Variants in BRIP1 observed in about 807,000 individuals in gnomAD.
The protein encoded by BRIP1 is Fanconi anemia group J protein.
Under a neutral mutation model 119.7 loss-of-function variants are expected in BRIP1, and 88 were observed. The observed-to-expected ratio is 0.74, with a 90% CI of 0.62 to 0.88. The LOEUF is 0.88. BRIP1 is among the 40% of genes least tolerant of loss of function. The pLI, the probability that BRIP1 is intolerant of heterozygous loss-of-function variation, is 0.00. For missense variants in BRIP1, 1,259 were observed against 1,455.4 expected (o/e 0.87, Z 2.20); for synonymous variants, 443 against 496.5 (o/e 0.89, Z 1.43).
intron 18 of BRIP1, among the ~76,000 whole-genome samples, chr17:61,692,213 T>C (rs983009620): frequency 5.3e-5 from 8 of 152,196 alleles, no homozygotes; most frequent in East Asian, 3.8e-4. Context: ...CAAATAAATC[T>C]CTTATCTTTA....
intron 14 of BRIP1, among the ~76,000 whole-genome samples, chr17:61,764,619 T>C (rs2144881312): frequency 6.6e-6 from 1 of 152,302 alleles, no homozygotes; most frequent in Non-Finnish European, 1.5e-5. Flanking sequence ...ATATTAAAGA[T>C]TGTAACCAAG....
chr17:61,721,515 C>T (rs536437923), intron 16 of BRIP1, among the ~76,000 whole-genome samples: 46 of 149,182 alleles, frequency 3.1e-4, no homozygotes, highest in African/African-American at 8.9e-4. Flanking sequence ...GTGATCCACC[C>T]GCCTCGGCCT....
At chr17:61,764,780 T>C (rs991153354) in intron 14 of BRIP1, among the ~76,000 whole-genome samples, 1 of 151,900 alleles carries the variant, frequency 6.6e-6, no homozygotes, top group African/African-American at 2.4e-5. Flanking sequence ...TATCCTTACA[T>C]CCATGAAAAA....
chr17:61,851,235 G>GA lies in BRIP1; in HGVS notation c.380-1980dup, dbSNP rs972171010. On this transcript the variant is annotated intron_variant, in intron 4 of 19. Transcript: ENST00000259008. This position sits in a 1 kb window ranked among gnomAD's most constrained non-coding sequence, Gnocchi z 4.6. ...AGAACGAGACTCCATCTCAAAAAAA[G>GA]AAAAAAAAAGAAATGTTGCTTAAAA... Among the ~76,000 whole-genome samples the GA allele has an allele frequency of 4.0e-5, 6 of 150,128 alleles. No homozygotes were observed. Among genetic ancestry groups the GA allele is most frequent in the South Asian group, 2.1e-4 (1 of 4,756 alleles).
Position 61,701,332 on chromosome 17 carries a change from A to G in BRIP1, c.2493-7820T>C, listed in dbSNP as rs2061610460. ...GTAATTTTTCTAAAATAATCTTGTAAAGTCTGTATTGTCATGTGTGGTCAT... is the reference window on the plus strand; with the variant it reads ...GTAATTTTTCTAAAATAATCTTGTAGAGTCTGTATTGTCATGTGTGGTCAT... On this transcript the variant is annotated intron_variant, in intron 17 of 19. Coordinates refer to ENST00000259008, the MANE Select transcript of BRIP1 (RefSeq NM_032043.3). This position sits in a 1 kb window ranked among gnomAD's most constrained non-coding sequence, Gnocchi z 5.1. Among the ~76,000 whole-genome samples the G allele has an allele frequency of 1.3e-5, 2 of 152,170 alleles. No homozygotes were observed. Among genetic ancestry groups the G allele is most frequent in the African/African-American group, 4.8e-5 (2 of 41,440 alleles).
Position 61,768,864 on chromosome 17 carries a change from A to G in BRIP1, c.2097+7537T>C, listed in dbSNP as rs370835500. Among the ~76,000 whole-genome samples the G allele has an allele frequency of 4.3e-4, 66 of 152,234 alleles. No homozygotes were observed. Among genetic ancestry groups the G allele is most frequent in the African/African-American group, 1.6e-3 (66 of 41,552 alleles). On this transcript the variant is annotated intron_variant, in intron 14 of 19. Transcript: ENST00000259008. This position sits in a 1 kb window ranked among gnomAD's most constrained non-coding sequence, Gnocchi z 5.0. ...TCAAAAGGGAGATTATCTTGGGTGG[A>G]CCTGACTTAATCAGGTAAAAGTCCT...
rs1060501760 is a variant in BRIP1 at position 61,799,304 on chromosome 17, A to T, written c.1141-5T>A. 6.2e-7 allele frequency: 1 copy of T among 1,603,274 alleles called. No individual in the cohort carries two copies. On this transcript the variant is annotated splice_polypyrimidine_tract_variant and splice_region_variant and intron_variant, in intron 8 of 19. Transcript: ENST00000259008. The surrounding 1 kb of genome is among the most constrained non-coding windows in gnomAD (Gnocchi z 5.1). ...TTCTTTCAGATTTAAATCCATCTATAAGATAAAAGAATTTTCTTGTAAAAC... is the reference window on the plus strand; with the variant it reads ...TTCTTTCAGATTTAAATCCATCTATTAGATAAAAGAATTTTCTTGTAAAAC...
At chr17:61,836,291 T>G (rs188279369) in intron 6 of BRIP1, among the ~76,000 whole-genome samples, 1 of 152,058 alleles carries the variant, frequency 6.6e-6, no homozygotes. Context: ...TGTTTGTTTG[T>G]TTTTTGTAGA....
chr17:61,721,267 CTTTTT>C (rs11326516), intron 16 of BRIP1, among the ~76,000 whole-genome samples: 10 of 114,184 alleles, frequency 8.8e-5, no homozygotes, highest in African/African-American at 2.7e-4. Context: ...AAAATCTAAG[CTTTTT>C]TTTTTTTTTT....
chr17:61,798,585 T>G lies in BRIP1; in HGVS notation c.1340+515A>C, dbSNP rs1045990913. 2.6e-5 allele frequency among the ~76,000 whole-genome samples: 4 copies of G among 152,110 alleles called. No homozygotes were observed. In the South Asian group the frequency reaches 8.3e-4, roughly 32 times the overall value. On this transcript the variant is annotated intron_variant, in intron 9 of 19. Transcript: ENST00000259008. This position sits in a 1 kb window ranked among gnomAD's most constrained non-coding sequence, Gnocchi z 5.5. ...AAATGGGATTCAGAGTTGGGAAGTTTTTTTCTATGGTAACAAGATTCTAGA... is the reference window on the plus strand; with the variant it reads ...AAATGGGATTCAGAGTTGGGAAGTTGTTTTCTATGGTAACAAGATTCTAGA...
rs1026372759 is a variant in BRIP1, at chr17:61,735,864, A to T, written c.2379+7149T>A. Among the ~76,000 whole-genome samples, 4 of 152,128 alleles carry T rather than the reference A, an allele frequency of 2.6e-5. No homozygotes were observed. Among genetic ancestry groups the T allele is most frequent in the African/African-American group, 4.8e-5 (2 of 41,420 alleles). ...GGAAGAACCTCAGTCCTACAACCAC[A>T]AACGGACCCCAAGTGCCAGATAACA... On this transcript the variant is annotated intron_variant, in intron 16 of 19. Transcript: ENST00000259008. The surrounding 1 kb of genome is among the most constrained non-coding windows in gnomAD (Gnocchi z 4.4).
At chr17:61,723,194 A>G (rs960591677) in intron 16 of BRIP1, among the ~76,000 whole-genome samples, 11 of 152,220 alleles carry the variant, frequency 7.2e-5, no homozygotes, top group African/African-American at 2.4e-4. Context: ...TCAATGACCA[A>G]TTTAAAATGA....
chr17:61,744,566 C>T lies in BRIP1; in HGVS notation c.2123G>A (p.Trp708Ter), dbSNP rs2144700629. Residue 708 changes from tryptophan to a stop codon, truncating the protein, a stop_gained, in exon 15 of 20, where the codon TGG becomes TAG. Coordinates refer to ENST00000259008, the MANE Select transcript of BRIP1 (RefSeq NM_032043.3). LOFTEE classifies it high-confidence loss of function. This position sits in a 1 kb window ranked among gnomAD's most constrained non-coding sequence, Gnocchi z 5.0. ...ATTATGCCATAAACCAGTAGAGAGC[C>T]AACGTTCTTTTAATTTTTCTAATAA... The part of the protein sequence containing the change: ...YKLLEKLKER[W>*]LSTGLWHNLE... 6.2e-7 allele frequency: 1 copy of T among 1,613,566 alleles called. No homozygotes were observed. Among genetic ancestry groups the T allele is most frequent in the Middle Eastern group, 1.7e-4 (1 of 6,058 alleles).
At chr17:61,858,378 T>G (rs72843737) in intron 3 of BRIP1, among the ~76,000 whole-genome samples, 1 of 151,204 alleles carries the variant, frequency 6.6e-6, no homozygotes, top group Non-Finnish European at 1.5e-5. Context: ...ATTTACTGTT[T>G]TTTTTTTTTT....
Position 61,744,723 on chromosome 17 carries a change from A to C in BRIP1, c.2098-132T>G. ...GTCTTTTCTCATTTATAAAATGAGG[A>C]AAACAATATATCTCATAGAGCTGTT... On this transcript the variant is annotated intron_variant, in intron 14 of 19. Coordinates refer to ENST00000259008, the MANE Select transcript of BRIP1 (RefSeq NM_032043.3). This position sits in a 1 kb window ranked among gnomAD's most constrained non-coding sequence, Gnocchi z 5.0. 3.6e-6 allele frequency: 3 copies of C among 824,790 alleles called. No individual in the cohort carries two copies. The highest frequency in any genetic ancestry group is 6.0e-6 in the Non-Finnish European group (3 of 501,766). 51.1% of individuals were successfully genotyped at this position (824,790 alleles called of 1,614,324 possible).
In BRIP1 at chr17:61,804,831, C is replaced by T. The variant is rs978522384; in HGVS notation, c.919-3357G>A. 6.6e-6 allele frequency among the ~76,000 whole-genome samples: 1 copy of T among 151,878 alleles called. No homozygotes were observed. Among genetic ancestry groups the T allele is most frequent in the Non-Finnish European group, 1.5e-5 (1 of 67,972 alleles). ...TGAATTTCTTCTTTTAGGTTATCTA[C>T]TAATGTCCTTTGCCATTGTATTACT... On this transcript the variant is annotated intron_variant, in intron 7 of 19. Coordinates refer to ENST00000259008, the MANE Select transcript of BRIP1 (RefSeq NM_032043.3). This position sits in a 1 kb window ranked among gnomAD's most constrained non-coding sequence, Gnocchi z 4.5.
At chr17:61,688,822 C>T (rs2144140738) in intron 18 of BRIP1, among the ~76,000 whole-genome samples, 1 of 146,106 alleles carries the variant, frequency 6.8e-6, no homozygotes, top group South Asian at 2.2e-4. Flanking sequence ...ATGATGCTCA[C>T]AAGTTCAAGA....
chr17:61,774,997 C>T lies in BRIP1; in HGVS notation c.2097+1404G>A, dbSNP rs2077512422. Among the ~76,000 whole-genome samples the T allele has an allele frequency of 6.6e-6, 1 of 152,184 alleles. No homozygotes were observed. The highest frequency in any genetic ancestry group is 2.4e-5 in the African/African-American group (1 of 41,466). The stretch of plus-strand genomic sequence containing the variant: ...AATAAGATTTTGCTTTAATCGCTTA[C>T]ATAACTGTGGAGTGAGTACAGTTTC... On this transcript the variant is annotated intron_variant, in intron 14 of 19. Transcript: ENST00000259008. This position sits in a 1 kb window ranked among gnomAD's most constrained non-coding sequence, Gnocchi z 5.8.
chr17:61,830,320 A>G (rs984552534), intron 6 of BRIP1, among the ~76,000 whole-genome samples: 2 of 151,570 alleles, frequency 1.3e-5, no homozygotes, highest in African/African-American at 4.8e-5. Flanking sequence ...AAAAGCAGAA[A>G]CCAACAAAAT....
Sources: allele counts gnomAD v4.1 joint callset (sites outside exome capture counted in the v4.1 genomes callset), GRCh38; gene constraint gnomAD v4.1.1; non-coding constraint Gnocchi (gnomAD v3.1); transcripts MANE v1.5; gene names NCBI Gene and HGNC (gene_info 2026-07-23, HGNC 2026-07-21).